LOXHD1: variants seen among roughly 807,000 people sequenced by gnomAD.
LOXHD1 encodes lipoxygenase homology PLAT domains 1.
LOXHD1 carries 205 observed loss-of-function variants against 248.2 expected under a neutral mutation model. The observed-to-expected ratio is 0.83, with a 90% CI of 0.74 to 0.93. The LOEUF is 0.93. Among genes scored for constraint, LOXHD1 ranks in the 40% least tolerant of loss-of-function variants. The probability of loss-of-function intolerance (pLI) is 0.00; values close to 1 mark genes in which losing one functional copy is unlikely to be tolerated. For synonymous variants in LOXHD1, 1,113 were observed against 1,162.8 expected (o/e 0.96, Z 0.87); for missense variants, 2,930 against 2,971.6 (o/e 0.99, Z 0.33).
chr18:46,495,015 G>A (rs1282423571), intron 37 of LOXHD1, among the ~76,000 whole-genome samples: 1 of 151,654 alleles, frequency 6.6e-6, no homozygotes, highest in African/African-American at 2.4e-5. Flanking sequence ...CACTGCGCCC[G>A]GCTTTTTTTG....
intron 8 of LOXHD1, among the ~76,000 whole-genome samples, chr18:46,600,800 A>G (rs916164623): frequency 1.3e-5 from 2 of 152,224 alleles, no homozygotes. Context: ...GTGATAGACA[A>G]AATTGAGGTT....
At chr18:46,550,733 T>C (rs1809445502) in intron 21 of LOXHD1, among the ~76,000 whole-genome samples, 2 of 152,146 alleles carry the variant, frequency 1.3e-5, no homozygotes, top group Admixed American at 1.3e-4. Flanking sequence ...ATACCCTACA[T>C]CAGACATATA....
intron 37 of LOXHD1, among the ~76,000 whole-genome samples, chr18:46,501,922 A>C (rs1047613057): frequency 6.6e-6 from 1 of 152,178 alleles, no homozygotes. Flanking sequence ...CATGTCACTA[A>C]AGACAATCAT....
chr18:46,656,171 C>G (rs1381059401), intron 1 of LOXHD1, among the ~76,000 whole-genome samples: 2 of 152,114 alleles, frequency 1.3e-5, no homozygotes, highest in African/African-American at 4.8e-5. Flanking sequence ...TATGAGATGA[C>G]AGGGAGTGGT....
At chr18:46,585,701 T>C (rs548581942) in intron 12 of LOXHD1, among the ~76,000 whole-genome samples, 55 of 152,240 alleles carry the variant, frequency 3.6e-4, no homozygotes, top group African/African-American at 1.3e-3. Flanking sequence ...CTAAAATTCA[T>C]ATAGAACTGC....
intron 4 of LOXHD1, among the ~76,000 whole-genome samples, chr18:46,635,131 G>A (rs1452801238): frequency 1.3e-5 from 2 of 152,002 alleles, no homozygotes; most frequent in Non-Finnish European, 2.9e-5. Flanking sequence ...CTGAGAGGAC[G>A]GAACCCTGTC....
intron 23 of LOXHD1, 36 bp from the exon 24 acceptor site, chr18:46,542,891 C>A: frequency 6.4e-7 from 1 of 1,551,546 alleles, no homozygotes. Flanking sequence ...ACTGGCTGGA[C>A]CTGAGGCCTT....
At chr18:46,506,950 T>G (rs982443360) in intron 36 of LOXHD1, among the ~76,000 whole-genome samples, 1 of 152,184 alleles carries the variant, frequency 6.6e-6, no homozygotes, top group African/African-American at 2.4e-5. Flanking sequence ...CCCTCTCAGC[T>G]CCTGGCCTTT....
At chr18:46,545,504 A>C (rs2036763025) in intron 22 of LOXHD1, 83 bp from the exon 23 acceptor site, 1 of 1,022,818 alleles carries the variant, frequency 9.8e-7, no homozygotes, top group Non-Finnish European at 1.5e-6. Flanking sequence ...CCTCCTCTAG[A>C]AGGGCTTCCT....
At chr18:46,649,350 G>A in intron 1 of LOXHD1, 81 bp from the exon 2 acceptor site, 1 of 1,226,620 alleles carries the variant, frequency 8.2e-7, no homozygotes, top group Non-Finnish European at 1.2e-6. Context: ...TCCAGCCCTT[G>A]CTGGGGAGGC....
intron 5 of LOXHD1, among the ~76,000 whole-genome samples, chr18:46,612,559 T>C (rs1375134131): frequency 6.6e-6 from 1 of 152,158 alleles, no homozygotes; most frequent in East Asian, 1.9e-4. Context: ...TCCATTTTTC[T>C]CTTGTCTTGT....
At chr18:46,530,103 C>T (rs2035997414) in intron 28 of LOXHD1, among the ~76,000 whole-genome samples, 1 of 152,160 alleles carries the variant, frequency 6.6e-6, no homozygotes, top group Admixed American at 6.5e-5. Flanking sequence ...TTTATGAAGG[C>T]TAAAAATTGG....
intron 40 of LOXHD1, among the ~76,000 whole-genome samples, chr18:46,481,728 G>A (rs570504502): frequency 8.5e-4 from 130 of 152,330 alleles, no homozygotes; most frequent in African/African-American, 3.1e-3. Context: ...TGAGGCTGGA[G>A]GGAAAGATGC....
At chr18:46,653,885 A>T (rs12604686) in intron 1 of LOXHD1, among the ~76,000 whole-genome samples, 147 of 152,366 alleles carry the variant, frequency 9.6e-4, no homozygotes, top group East Asian at 4.4e-3. Flanking sequence ...CCTAGAAGTT[A>T]CATTTCTGGG....
At chr18:46,569,717 G>T in intron 15 of LOXHD1, 79 bp from the exon 16 acceptor site, 1 of 1,175,426 alleles carries the variant, frequency 8.5e-7, no homozygotes, top group Non-Finnish European at 1.2e-6. Context: ...TGTATAGGAG[G>T]GCAGCCTGGA....
chr18:46,497,588 T>G (rs2033952449), intron 37 of LOXHD1, among the ~76,000 whole-genome samples: 1 of 151,974 alleles, frequency 6.6e-6, no homozygotes, highest in Non-Finnish European at 1.5e-5. Context: ...GAAAACTGAG[T>G]TCCCTATAAC....
At chr18:46,557,560 C>T in intron 20 of LOXHD1, 71 bp from the exon 21 acceptor site, 7 of 1,537,750 alleles carry the variant, frequency 4.6e-6, no homozygotes, top group Non-Finnish European at 6.2e-6. Flanking sequence ...GCCCCATCCT[C>T]CCAAGAACCA....
intron 14 of LOXHD1, among the ~76,000 whole-genome samples, chr18:46,576,883 A>T (rs771791603): frequency 3.3e-5 from 5 of 152,162 alleles, no homozygotes; most frequent in Non-Finnish European, 7.4e-5. Flanking sequence ...GTTCATGGTA[A>T]GAGGAAGAGC....
intron 37 of LOXHD1, among the ~76,000 whole-genome samples, chr18:46,492,475 A>G (rs967574240): frequency 6.6e-6 from 1 of 152,186 alleles, no homozygotes; most frequent in Non-Finnish European, 1.5e-5. Flanking sequence ...AAACCATCAG[A>G]TCTTGTGAGA....
Sources: gnomAD v4.1 joint callset for allele counts (sites outside exome capture counted in the v4.1 genomes callset) on GRCh38, gnomAD v4.1.1 for gene constraint, MANE v1.5 for transcripts, NCBI Gene and HGNC (gene_info 2026-07-23, HGNC 2026-07-21) for gene names.